ESRRG: variants seen among roughly 807,000 people sequenced by gnomAD.
The protein encoded by ESRRG is estrogen-related receptor gamma.
A neutral mutation model predicts 44.0 loss-of-function variants in ESRRG; 13 were observed. The ratio of observed to expected loss-of-function variants is 0.30; its 90% CI spans 0.19 to 0.47. ESRRG has a LOEUF of 0.47. Among genes scored for constraint, ESRRG ranks in the 20% least tolerant of loss-of-function variants. ESRRG has a pLI of 1.00. For synonymous variants in ESRRG, 215 were observed against 214.6 expected (o/e 1.00, Z -0.02); for missense variants, 395 against 580.6 (o/e 0.68, Z 3.29).
intron 1 of ESRRG, among the ~76,000 whole-genome samples, chr1:217,027,733 T>C (rs1261908448): frequency 1.3e-5 from 2 of 152,010 alleles, no homozygotes; most frequent in Non-Finnish European, 2.9e-5. Flanking sequence ...ACACAGGAGG[T>C]AAAGCTTGGG....
At chr1:216,778,019 A>G (rs2093677093) in intron 2 of ESRRG, among the ~76,000 whole-genome samples, 1 of 152,106 alleles carries the variant, frequency 6.6e-6, no homozygotes, top group Admixed American at 6.6e-5. Context: ...GATTAATTAA[A>G]GAGTAAGAAT....
At chr1:217,102,630 C>T (rs1391372746) in intron 1 of ESRRG, among the ~76,000 whole-genome samples, 1 of 152,200 alleles carries the variant, frequency 6.6e-6, no homozygotes, top group Non-Finnish European at 1.5e-5. Flanking sequence ...TCTGAATAAC[C>T]TTCCCCAAAG....
At chr1:217,065,769 T>C (rs2089542672) in intron 1 of ESRRG, among the ~76,000 whole-genome samples, 1 of 152,170 alleles carries the variant, frequency 6.6e-6, no homozygotes, top group South Asian at 2.1e-4. Flanking sequence ...GTTTTCTTTT[T>C]CTCCCTCTAG....
At chr1:216,627,074 G>A (rs2150588530) in intron 3 of ESRRG, among the ~76,000 whole-genome samples, 1 of 152,270 alleles carries the variant, frequency 6.6e-6, no homozygotes, top group South Asian at 2.1e-4. Context: ...CATTTTCAAG[G>A]GACTTGTTTC....
chr1:217,045,907 A>AT (rs1405409235), intron 1 of ESRRG, among the ~76,000 whole-genome samples: 3 of 152,152 alleles, frequency 2.0e-5, no homozygotes, highest in Admixed American at 6.5e-5. Context: ...CTTCTTTAGG[A>AT]TTTTTTAAGT....
chr1:217,002,445 C>T (rs969467982), intron 1 of ESRRG, among the ~76,000 whole-genome samples: 6 of 151,806 alleles, frequency 4.0e-5, no homozygotes, highest in South Asian at 2.1e-4. Flanking sequence ...ATTCCCTACT[C>T]ATTAAAATTA....
At chr1:216,947,430 T>C (rs1480543036) in intron 1 of ESRRG, among the ~76,000 whole-genome samples, 1 of 152,232 alleles carries the variant, frequency 6.6e-6, no homozygotes, top group Non-Finnish European at 1.5e-5. Context: ...AAATCTTTCC[T>C]TGTGTCAAAT....
chr1:216,779,042 C>G (rs1158422748), intron 2 of ESRRG, among the ~76,000 whole-genome samples: 2 of 143,878 alleles, frequency 1.4e-5, no homozygotes, highest in East Asian at 4.1e-4. Flanking sequence ...TGTAAAGATC[C>G]CTTCCTTAGT....
At chr1:216,940,308 T>A (rs576695386) in intron 1 of ESRRG, among the ~76,000 whole-genome samples, 1 of 152,362 alleles carries the variant, frequency 6.6e-6, no homozygotes, top group East Asian at 1.9e-4. Flanking sequence ...TTGAACCTCA[T>A]GAAGTTGCTG....
chr1:216,657,455 A>G (rs1403160852), intron 2 of ESRRG, among the ~76,000 whole-genome samples: 1 of 152,116 alleles, frequency 6.6e-6, no homozygotes, highest in Non-Finnish European at 1.5e-5. Flanking sequence ...GGGAGGCCCT[A>G]TATTATACCT....
intron 5 of ESRRG, among the ~76,000 whole-genome samples, chr1:216,542,927 TC>T (rs1164209539): frequency 6.6e-6 from 1 of 151,832 alleles, no homozygotes; most frequent in Non-Finnish European, 1.5e-5. Flanking sequence ...ATCTCCCCCT[TC>T]CCCCCAAGCA....
chr1:216,996,350 G>A (rs919911202), intron 1 of ESRRG, among the ~76,000 whole-genome samples: 5 of 152,012 alleles, frequency 3.3e-5, no homozygotes, highest in Non-Finnish European at 5.9e-5. Flanking sequence ...GGAAAACAAG[G>A]AATGGAAATG....
At chr1:216,834,128 C>T (rs987690391) in intron 2 of ESRRG, among the ~76,000 whole-genome samples, 1 of 152,112 alleles carries the variant, frequency 6.6e-6, no homozygotes, top group Non-Finnish European at 1.5e-5. Context: ...GGGACGGGTG[C>T]TGTGGCTCAC....
chr1:216,630,505 C>A (rs1248034777), intron 3 of ESRRG, among the ~76,000 whole-genome samples: 1 of 151,938 alleles, frequency 6.6e-6, no homozygotes, highest in African/African-American at 2.4e-5. Context: ...AGGCGTCTAC[C>A]TCTGCCAAAT....
At chr1:216,816,768 T>C (rs955114305) in intron 2 of ESRRG, among the ~76,000 whole-genome samples, 3 of 152,156 alleles carry the variant, frequency 2.0e-5, no homozygotes, top group African/African-American at 7.2e-5. Flanking sequence ...TTTTAAGATG[T>C]TTTGAAACAA....
At chr1:217,120,882 G>A (rs1165390507) in intron 1 of ESRRG, among the ~76,000 whole-genome samples, 2 of 152,016 alleles carry the variant, frequency 1.3e-5, no homozygotes, top group Non-Finnish European at 2.9e-5. Context: ...TTTGTCTGTG[G>A]GAATCTTTGA....
intron 6 of ESRRG, among the ~76,000 whole-genome samples, chr1:216,510,560 T>G (rs2042408415): frequency 6.6e-6 from 1 of 152,140 alleles, no homozygotes; most frequent in Non-Finnish European, 1.5e-5. Flanking sequence ...TTCCCTTGAA[T>G]AAAATACTGC....
intron 3 of ESRRG, among the ~76,000 whole-genome samples, chr1:216,599,754 C>T (rs927516243): frequency 6.6e-6 from 1 of 150,540 alleles, no homozygotes; most frequent in Non-Finnish European, 1.5e-5. Context: ...ATGAAGAGTG[C>T]GTGATAGTAA....
chr1:216,752,165 G>A (rs2092081473), intron 2 of ESRRG, among the ~76,000 whole-genome samples: 3 of 152,190 alleles, frequency 2.0e-5, no homozygotes, highest in Admixed American at 1.3e-4. Flanking sequence ...GGGAAACTGA[G>A]ATGTAAAAGA....
Sources: allele counts gnomAD v4.1 joint callset (sites outside exome capture counted in the v4.1 genomes callset), GRCh38; gene constraint gnomAD v4.1.1; transcripts MANE v1.5; gene names NCBI Gene and HGNC (gene_info 2026-07-23, HGNC 2026-07-21).